DGCR2: variants seen among roughly 807,000 people sequenced by gnomAD.
DGCR2 encodes the protein DiGeorge syndrome critical region gene 2, also known as integral membrane protein DGCR2/IDD.
In DGCR2, 24 loss-of-function variants were observed where a neutral mutation model predicts 51.6. The observed-to-expected ratio is 0.47, with a 90% CI of 0.34 to 0.65. The LOEUF (loss-of-function observed/expected upper bound fraction) is 0.65. Ranked by LOEUF, DGCR2 falls within the 30% of genes least tolerant of loss-of-function variation. The probability of loss-of-function intolerance (pLI) is 0.01; values close to 1 mark genes in which losing one functional copy is unlikely to be tolerated. For missense variants in DGCR2, 765 were observed against 772.1 expected, an observed-to-expected ratio of 0.99 and a Z score of 0.11; for synonymous variants, 340 against 315.4, an observed-to-expected ratio of 1.08 and a Z score of -0.82.
intron 1 of DGCR2, among the ~76,000 whole-genome samples, chr22:19,117,905 C>CAA (rs1185780881): frequency 3.9e-5 from 6 of 152,192 alleles, no homozygotes; most frequent in African/African-American, 1.4e-4. Context: ...TACAAAGTGT[C>CAA]ACAGTACTGG....
chr22:19,049,614 G>A (rs567480932), intron 6 of DGCR2, among the ~76,000 whole-genome samples: 4 of 152,222 alleles, frequency 2.6e-5, no homozygotes, highest in South Asian at 4.2e-4. Context: ...ATTGCCTGAG[G>A]TCAGGAGTTC....
Position 19,063,347 on chromosome 22 carries a change from T to G in DGCR2, c.549-69A>C. 3.4e-6 allele frequency: 5 copies of G among 1,468,086 alleles called. 1 individual carries two copies. The highest frequency in any genetic ancestry group is 4.7e-6 in the Non-Finnish European group (5 of 1,061,646). The allele number at this position is 1,468,086 out of a possible 1,614,324, so 90.9% of individuals were successfully genotyped here. A position where few individuals can be genotyped will look rare whatever the true frequency, so the allele number is the denominator to read the frequency against. ...GGATGCAACCATCAATGACTGTGTG[T>G]TTTTTGTTTTTTGAGACAGAGTCTC... On this transcript the variant is annotated intron_variant, in intron 4 of 9. Coordinates refer to ENST00000263196, the MANE Select transcript of DGCR2 (RefSeq NM_005137.3).
intron 2 of DGCR2, among the ~76,000 whole-genome samples, chr22:19,088,395 T>C (rs878997779): frequency 2.6e-5 from 4 of 152,174 alleles, no homozygotes; most frequent in Admixed American, 2.6e-4. Context: ...TGAAGGATGG[T>C]AAGGCTTGTC....
chr22:19,041,786 T>A (rs2082434290), intron 8 of DGCR2, 21 bp downstream of exon 8: 4 of 1,607,754 alleles, frequency 2.5e-6, no homozygotes, highest in Non-Finnish European at 3.4e-6. Context: ...ACCAGGGTTG[T>A]GGCCCTCAGA....
intron 2 of DGCR2, among the ~76,000 whole-genome samples, chr22:19,084,524 C>G (rs1393645685): frequency 1.4e-4 from 18 of 127,496 alleles, no homozygotes; most frequent in African/African-American, 4.9e-4. Context: ...CTCCGCCCGG[C>G]AGCCGCCCCG....
intron 2 of DGCR2, among the ~76,000 whole-genome samples, chr22:19,069,010 G>C (rs1486430003): frequency 1.3e-5 from 2 of 152,248 alleles, no homozygotes; most frequent in Non-Finnish European, 2.9e-5. Flanking sequence ...TCAGAGAAGG[G>C]GAGTGACTTA....
At chr22:19,107,475 G>A (rs1165002825) in intron 1 of DGCR2, among the ~76,000 whole-genome samples, 2 of 152,194 alleles carry the variant, frequency 1.3e-5, no homozygotes, top group South Asian at 2.1e-4. Context: ...ATCACCACCT[G>A]CTACCATCTA....
At chr22:19,040,366 A>G (rs1289007196) in intron 9 of DGCR2, among the ~76,000 whole-genome samples, 1 of 152,222 alleles carries the variant, frequency 6.6e-6, no homozygotes, top group African/African-American at 2.4e-5. Context: ...CAGGCATGCA[A>G]GGAGCCAGCC....
chr22:19,106,049 C>T (rs138706626), intron 1 of DGCR2, among the ~76,000 whole-genome samples: 1 of 152,028 alleles, frequency 6.6e-6, no homozygotes, highest in Admixed American at 6.6e-5. Context: ...CCTGGAACCA[C>T]GCAGGGAGAC....
chr22:19,052,367 G>C (rs2082557230), intron 6 of DGCR2, among the ~76,000 whole-genome samples: 1 of 151,826 alleles, frequency 6.6e-6, no homozygotes, highest in Non-Finnish European at 1.5e-5. Context: ...AGTGAGCCAA[G>C]ACTGTGCCAC....
At chr22:19,092,323 G>A (rs1033275266) in intron 1 of DGCR2, among the ~76,000 whole-genome samples, 8 of 147,450 alleles carry the variant, frequency 5.4e-5, no homozygotes, top group Admixed American at 1.4e-4. Context: ...CAGCCTGGGC[G>A]ACAGAACGAG....
intron 4 of DGCR2, 23 bp from the exon 5 acceptor site, chr22:19,063,301 C>T: frequency 1.2e-6 from 2 of 1,608,978 alleles, no homozygotes; most frequent in Non-Finnish European, 1.7e-6. Context: ...GAGACAGAGA[C>T]AGAGATCTCA....
intron 2 of DGCR2, among the ~76,000 whole-genome samples, chr22:19,074,534 C>G (rs902179088): frequency 6.6e-6 from 1 of 152,086 alleles, no homozygotes; most frequent in South Asian, 2.1e-4. Context: ...GCACAGGGCC[C>G]AGACTCACCC....
chr22:19,043,821 C>T (rs2082459506), intron 7 of DGCR2, among the ~76,000 whole-genome samples: 1 of 152,196 alleles, frequency 6.6e-6, no homozygotes, highest in Non-Finnish European at 1.5e-5. Context: ...GATGGCAGCG[C>T]CAGCTCCTGT....
chr22:19,068,584 C>T (rs1450871584), intron 2 of DGCR2, among the ~76,000 whole-genome samples: 1 of 152,222 alleles, frequency 6.6e-6, no homozygotes, highest in Non-Finnish European at 1.5e-5. Context: ...TGAAAGAGTT[C>T]TCTCCAGAGC....
In DGCR2 at chr22:19,053,193, G is replaced by A. The variant is rs118135721; in HGVS notation, c.802+3793C>T. Among the ~76,000 whole-genome samples, 853 of 152,338 alleles carry A rather than the reference G, an allele frequency of 5.6e-3. 2 individuals are homozygous for A. The highest frequency in any genetic ancestry group is 8.3e-3 in the Non-Finnish European group (563 of 68,038). The stretch of plus-strand genomic sequence containing the variant: ...TGTGCTGGACCCAACTCCAGCTGCA[G>A]GAGGGTCAGAAGCACTTGTGAAGGC... On this transcript the variant is annotated intron_variant, in intron 6 of 9. Transcript: ENST00000263196.
chr22:19,116,888 T>G (rs1025437560), intron 1 of DGCR2, among the ~76,000 whole-genome samples: 2 of 151,896 alleles, frequency 1.3e-5, no homozygotes, highest in Admixed American at 6.6e-5. Context: ...CTGTCATCAC[T>G]GCTGAGAGGA....
intron 2 of DGCR2, among the ~76,000 whole-genome samples, chr22:19,072,339 A>C (rs2082824401): frequency 6.6e-6 from 1 of 152,162 alleles, no homozygotes. Flanking sequence ...TTCCCAACGA[A>C]ACATATCCAG....
intron 3 of DGCR2, 145 bp from the exon 4 acceptor site, chr22:19,065,212 C>G (rs2082735063): frequency 7.6e-6 from 5 of 661,274 alleles, no homozygotes; most frequent in Non-Finnish European, 1.3e-5. Flanking sequence ...AGGTCTGCTT[C>G]TGAAACCACA....
Sources: gnomAD v4.1 joint callset for allele counts (sites outside exome capture counted in the v4.1 genomes callset) on GRCh38, gnomAD v4.1.1 for gene constraint, MANE v1.5 for transcripts, NCBI Gene and HGNC (gene_info 2026-07-23, HGNC 2026-07-21) for gene names.